ST18: variants seen among roughly 807,000 people sequenced by gnomAD.
ST18 encodes the protein suppression of tumorigenicity 18 protein.
ST18 carries 50 observed loss-of-function variants against 110.0 expected under a neutral mutation model. The observed-to-expected ratio is 0.45, with a 90% confidence interval of 0.36 to 0.58. ST18 has a LOEUF of 0.58. Ranked by LOEUF, ST18 falls within the 20% of genes least tolerant of loss-of-function variation. The pLI, the probability that ST18 is intolerant of heterozygous loss-of-function variation, is 0.00. For missense variants in ST18, 1,306 were observed against 1,280.1 expected (o/e 1.02, Z -0.31); for synonymous variants, 461 against 452.4 (o/e 1.02, Z -0.24).
At chr8:52,262,039 A>G (rs968392226) in intron 2 of ST18, among the ~76,000 whole-genome samples, 1 of 152,206 alleles carries the variant, frequency 6.6e-6, no homozygotes, top group Admixed American at 6.6e-5. Flanking sequence ...GAAGTCCAAG[A>G]GCGTGGCACC....
chr8:52,202,490 C>G (rs28480394), intron 8 of ST18, among the ~76,000 whole-genome samples: 5 of 152,114 alleles, frequency 3.3e-5, no homozygotes, highest in Non-Finnish European at 7.4e-5. Context: ...GGCAGAGAAT[C>G]TGCTTTCTTC....
intron 3 of ST18, 119 bp from the exon 4 acceptor site, chr8:52,221,912 A>AG (rs1253277403): frequency 6.6e-6 from 1 of 151,420 alleles, no homozygotes; most frequent in African/African-American, 2.4e-5. Context: ...TTGCAACTAA[A>AG]AAAAAAAAAA....
rs752921940 is a variant in ST18 at position 52,158,910 on chromosome 8, A to T, written c.1794T>A (p.Ser598Arg). ...TGGACTGGCCTACCTTGGCATGCAG[A>T]CTCTGTGGCTTGTTGGAGAGGATGT... ...ATDILSNKPQ[S>R]LHAKGAEIEV... The change falls in exon 15 of 26, where the codon AGT becomes AGA. Residue 598 changes from serine to arginine, a missense_variant. Ser to Arg is a moderately radical substitution (Grantham distance 110, BLOSUM62 -1). Transcript: ENST00000689386. 30 of 1,613,668 alleles carry T rather than the reference A, an allele frequency of 1.9e-5. No individual in the cohort carries two copies. The African/African-American group carries it at 4.0e-4, about 22-fold the overall frequency.
intron 9 of ST18, among the ~76,000 whole-genome samples, chr8:52,175,814 C>T (rs1037748041): frequency 6.6e-6 from 1 of 152,180 alleles, no homozygotes; most frequent in Admixed American, 6.5e-5. Context: ...AGGACCAGGG[C>T]TGCGTGGCTC....
At chr8:52,211,763 C>G (rs1234084015) in intron 8 of ST18, among the ~76,000 whole-genome samples, 1 of 152,148 alleles carries the variant, frequency 6.6e-6, no homozygotes, top group Non-Finnish European at 1.5e-5. Context: ...CCCTGACCAT[C>G]AGTGTGAAAT....
intron 16 of ST18, among the ~76,000 whole-genome samples, chr8:52,146,536 A>G (rs905753641): frequency 2.0e-5 from 3 of 151,976 alleles, no homozygotes; most frequent in Non-Finnish European, 4.4e-5. Context: ...ACCAGGAGCA[A>G]CAACTTTACC....
chr8:52,335,300 C>T (rs572177428), intron 2 of ST18, among the ~76,000 whole-genome samples: 29 of 152,208 alleles, frequency 1.9e-4, no homozygotes, highest in African/African-American at 5.1e-4. Context: ...CCCCAAGATC[C>T]AGGAATCTTC....
intron 8 of ST18, among the ~76,000 whole-genome samples, chr8:52,197,773 T>C (rs183806566): frequency 5.1e-4 from 77 of 151,960 alleles, no homozygotes; most frequent in African/African-American, 1.8e-3. Context: ...CACAGTTACA[T>C]AGTCAAAAGC....
At chr8:52,133,433 G>A (rs1312934079) in intron 19 of ST18, 132 bp from the exon 20 acceptor site, 35 of 1,000,296 alleles carry the variant, frequency 3.5e-5, no homozygotes, top group Middle Eastern at 3.1e-4. Flanking sequence ...GGAGGGAGGC[G>A]GGGTCACACA....
intron 2 of ST18, among the ~76,000 whole-genome samples, chr8:52,389,622 A>T (rs1177983231): frequency 6.6e-6 from 1 of 152,162 alleles, no homozygotes; most frequent in African/African-American, 2.4e-5. Flanking sequence ...CAGAGCAGGG[A>T]TGGAAATCTG....
At chr8:52,198,084 C>T (rs532636595) in intron 8 of ST18, among the ~76,000 whole-genome samples, 92 of 152,248 alleles carry the variant, frequency 6.0e-4, no homozygotes, top group African/African-American at 1.9e-3. Context: ...TGCAGTGGCG[C>T]GATCTCGGCT....
intron 2 of ST18, among the ~76,000 whole-genome samples, chr8:52,361,699 A>G (rs989406102): frequency 6.6e-6 from 1 of 152,214 alleles, no homozygotes; most frequent in Non-Finnish European, 1.5e-5. Flanking sequence ...CGATGCTAAG[A>G]AACATTAAGG....
chr8:52,385,882 C>G (rs1464975298), intron 2 of ST18, among the ~76,000 whole-genome samples: 7 of 152,132 alleles, frequency 4.6e-5, no homozygotes, highest in Non-Finnish European at 7.3e-5. Context: ...GAGATTTCTG[C>G]ACTTGGTTTG....
chr8:52,273,207 A>G (rs557594801), intron 2 of ST18, among the ~76,000 whole-genome samples: 2 of 152,346 alleles, frequency 1.3e-5, no homozygotes, highest in African/African-American at 4.8e-5. Flanking sequence ...TCTGTCATCC[A>G]TCTGAAACCA....
intron 2 of ST18, among the ~76,000 whole-genome samples, chr8:52,233,159 A>G (rs1423363832): frequency 6.6e-6 from 1 of 152,226 alleles, no homozygotes; most frequent in African/African-American, 2.4e-5. Flanking sequence ...GAACACTATT[A>G]TTTAATTAAT....
chr8:52,205,088 C>T (rs1330567385), intron 8 of ST18, among the ~76,000 whole-genome samples: 1 of 144,772 alleles, frequency 6.9e-6, no homozygotes, highest in Non-Finnish European at 1.5e-5. Flanking sequence ...TTTATATATA[C>T]ATATATATAT....
At chr8:52,218,269 C>A (rs2085141611) in intron 5 of ST18, among the ~76,000 whole-genome samples, 2 of 151,858 alleles carry the variant, frequency 1.3e-5, no homozygotes, top group Admixed American at 1.3e-4. Context: ...TTAATAATTG[C>A]AGAAAATGTC....
At chr8:52,250,052 C>T (rs1319835778) in intron 2 of ST18, among the ~76,000 whole-genome samples, 1 of 151,932 alleles carries the variant, frequency 6.6e-6, no homozygotes, top group Admixed American at 6.6e-5. Flanking sequence ...AGGTAAAAAC[C>T]CTTTTAACTC....
chr8:52,227,526 G>A (rs935328823), intron 3 of ST18, among the ~76,000 whole-genome samples: 23 of 152,074 alleles, frequency 1.5e-4, no homozygotes, highest in African/African-American at 5.6e-4. Context: ...CCAATTGAAA[G>A]GACACCAATG....
Sources: allele counts gnomAD v4.1 joint callset (sites outside exome capture counted in the v4.1 genomes callset), GRCh38; gene constraint gnomAD v4.1.1; transcripts MANE v1.5; gene names NCBI Gene and HGNC (gene_info 2026-07-23, HGNC 2026-07-21).